The following CPM variants were observed in gnomAD, a reference collection of about 807,000 sequenced individuals.
CPM encodes renal carboxypeptidase.
In CPM, 35 loss-of-function variants were observed where a neutral mutation model predicts 46.4. The observed-to-expected ratio is 0.75, with a 90% CI of 0.58 to 1.00. CPM has a LOEUF of 1.00. CPM is among the 50% of genes least tolerant of loss of function. CPM has a pLI of 0.00. For synonymous variants in CPM, 195 were observed against 195.3 expected, an observed-to-expected ratio of 1.00 and a Z score of 0.01; for missense variants, 422 against 530.4, an observed-to-expected ratio of 0.80 and a Z score of 2.01.
chr12:68,872,738 A>AC (rs1288237764), intron 3 of CPM, among the ~76,000 whole-genome samples: 5 of 146,620 alleles, frequency 3.4e-5, no homozygotes, highest in Admixed American at 6.8e-5. Flanking sequence ...CACATTGTAG[A>AC]TTTTTTTTTT....
At chr12:68,879,400 G>C (rs1886092782) in intron 3 of CPM, among the ~76,000 whole-genome samples, 1 of 152,038 alleles carries the variant, frequency 6.6e-6, no homozygotes, top group Admixed American at 6.5e-5. Context: ...GTCTTGCTTT[G>C]TCACCCAGGC....
At chr12:68,930,098 G>T (rs1888437895) in intron 2 of CPM, among the ~76,000 whole-genome samples, 1 of 151,860 alleles carries the variant, frequency 6.6e-6, no homozygotes, top group African/African-American at 2.4e-5. Context: ...CTTTTATTTT[G>T]AGATAGAGTT....
chr12:68,946,402 TC>T (rs981109133), intron 1 of CPM, among the ~76,000 whole-genome samples: 3 of 152,220 alleles, frequency 2.0e-5, no homozygotes, highest in Non-Finnish European at 2.9e-5. Context: ...ATAAGGAATC[TC>T]AGATTAGACC....
rs1262038665 is a variant in CPM at position 68,928,620 on chromosome 12, TA to T, written c.160+4057del. 3.3e-5 allele frequency among the ~76,000 whole-genome samples: 5 copies of T among 152,230 alleles called. No individual in the cohort carries two copies. The East Asian group carries it at 9.6e-4, about 29-fold the overall frequency. On this transcript the variant is annotated intron_variant, in intron 2 of 8. Coordinates refer to ENST00000551568, the MANE Select transcript of CPM (RefSeq NM_198320.5). ...GAAAGTACTTGATAACAGAGACTACTAAATTTGGCTGGCTTTAAAAAATCTC... is the reference window on the plus strand; with the variant it reads ...GAAAGTACTTGATAACAGAGACTACTAATTTGGCTGGCTTTAAAAAATCTC...
At chr12:68,895,689 T>C (rs1000636684) in intron 2 of CPM, among the ~76,000 whole-genome samples, 1 of 152,000 alleles carries the variant, frequency 6.6e-6, no homozygotes, top group Admixed American at 6.6e-5. Context: ...TCTTAGAAAA[T>C]GTGTTTTAGG....
Position 68,890,390 on chromosome 12 carries a change from T to C in CPM, c.161-4501A>G, listed in dbSNP as rs531357025. ...ATTTAAAAAAAAAAAAACCAAACCC[T>C]ATCATTCATTAAGTGCAGATACTAT... is the stretch of plus-strand genomic sequence containing the variant. On this transcript the variant is annotated intron_variant, in intron 2 of 8. Coordinates refer to ENST00000551568, the MANE Select transcript of CPM (RefSeq NM_198320.5). Among the ~76,000 whole-genome samples the C allele has an allele frequency of 2.6e-5, 4 of 152,058 alleles. No individual in the cohort carries two copies. In the South Asian group the frequency reaches 8.3e-4, roughly 32 times the overall value.
In CPM at chr12:68,855,737, G is replaced by GTTTTTTTT. The variant is rs1317822928; in HGVS notation, c.*699_*700insAAAAAAAA. 7.0e-6 allele frequency: 1 copy of GTTTTTTTT among 142,054 alleles called. No homozygotes were observed. The highest frequency in any genetic ancestry group is 2.9e-5 in the African/African-American group (1 of 33,932). 8.8% of individuals were successfully genotyped at this position (142,054 alleles called of 1,614,324 possible). A position where few individuals can be genotyped will look rare whatever the true frequency, so the allele number is the denominator to read the frequency against. ...GGTGAGGTGTTTTTTTTGTTTGTTTGTTTTTGTTTTTTTTTTTTTGAGACA... is the reference window on the plus strand; with the variant it reads ...GGTGAGGTGTTTTTTTTGTTTGTTTGTTTTTTTTTTTTTGTTTTTTTTTTTTTGAGACA... On this transcript the variant is annotated 3_prime_UTR_variant, in exon 9 of 9. Coordinates refer to ENST00000551568, the MANE Select transcript of CPM (RefSeq NM_198320.5).
chr12:68,918,601 C>T (rs933248722), intron 2 of CPM, among the ~76,000 whole-genome samples: 1 of 151,916 alleles, frequency 6.6e-6, no homozygotes, highest in African/African-American at 2.4e-5. Flanking sequence ...CTCCTCCAAT[C>T]CAATCCAATC....
At chr12:68,876,882 GC>G in intron 3 of CPM, among the ~76,000 whole-genome samples, 1 of 141,168 alleles carries the variant, frequency 7.1e-6, no homozygotes, top group South Asian at 2.4e-4. Flanking sequence ...GTGTGTGTGT[GC>G]ACGCGCATGC....
intron 7 of CPM, among the ~76,000 whole-genome samples, chr12:68,864,089 T>A (rs925749995): frequency 6.6e-6 from 1 of 152,220 alleles, no homozygotes; most frequent in African/African-American, 2.4e-5. Flanking sequence ...ATATATGTAT[T>A]TTTTGAGTGA....
intron 2 of CPM, among the ~76,000 whole-genome samples, chr12:68,931,840 C>G (rs1023465510): frequency 1.3e-5 from 2 of 151,594 alleles, no homozygotes; most frequent in African/African-American, 4.9e-5. Context: ...CGGATGGGTG[C>G]CAGTCCTGGC....
intron 2 of CPM, among the ~76,000 whole-genome samples, chr12:68,900,354 A>G (rs924694818): frequency 2.4e-4 from 37 of 152,232 alleles, no homozygotes; most frequent in African/African-American, 8.4e-4. Flanking sequence ...CATTCCTATT[A>G]GAATGGCAAA....
chr12:68,918,053 T>A (rs1242268899), intron 2 of CPM, among the ~76,000 whole-genome samples: 1 of 152,188 alleles, frequency 6.6e-6, no homozygotes, highest in Non-Finnish European at 1.5e-5. Context: ...GATTCTATAT[T>A]GAGTCGTGAG....
In CPM at chr12:68,852,068, T is replaced by C. The variant is rs1026534941; in HGVS notation, c.*4369A>G. 4 of 152,238 alleles carry C rather than the reference T, an allele frequency of 2.6e-5. No individual in the cohort carries two copies. The highest frequency in any genetic ancestry group is 5.9e-5 in the Non-Finnish European group (4 of 68,044). 9.4% of individuals were successfully genotyped at this position (152,238 alleles called of 1,614,324 possible). On this transcript the variant is annotated 3_prime_UTR_variant, in exon 9 of 9. Coordinates refer to ENST00000551568, the MANE Select transcript of CPM (RefSeq NM_198320.5). Reference sequence around the variant, plus strand: ...GATATTTTTACTTTCTAAACAGAGCTAACTTGTACCATTTTTAGAAACAGA... The same window carrying C: ...GATATTTTTACTTTCTAAACAGAGCCAACTTGTACCATTTTTAGAAACAGA...
chr12:68,871,893 G>T lies in CPM; in HGVS notation c.322C>A (p.Pro108Thr). Residue 108 changes from proline to threonine, a missense_variant, in exon 4 of 9, where the codon CCT (proline) becomes ACT (threonine). Pro to Thr is a conservative substitution (Grantham distance 38). Transcript: ENST00000551568. Reference protein sequence around the residue: ...DYLVTSDGKDPEITNLINSTR... With the variant: ...DYLVTSDGKDTEITNLINSTR... ...CTATTGATCAGATTTGTGATTTCAG[G>T]GTCTTTGCCATCACTGGTTACGAGA... 2 of 1,614,050 alleles carry T rather than the reference G, an allele frequency of 1.2e-6. No homozygotes were observed. Among genetic ancestry groups the T allele is most frequent in the Non-Finnish European group, 1.7e-6 (2 of 1,180,012 alleles).
rs1889132632 is a variant in CPM at position 68,962,198 on chromosome 12, T to TC, written c.-4+970dup. Among the ~76,000 whole-genome samples the TC allele has an allele frequency of 1.1e-4, 3 of 26,860 alleles. No individual in the cohort carries two copies. The Admixed American group carries it at 1.4e-3, about 12-fold the overall frequency. 17.6% of individuals were successfully genotyped at this position (26,860 alleles called of 152,430 possible). A position where few individuals can be genotyped will look rare whatever the true frequency, so the allele number is the denominator to read the frequency against. ...CTGGGCGACAGAGCGAGACTCCATC[T>TC]CAAAAAAAAAAAAAAAAAAACCAAG... On this transcript the variant is annotated intron_variant, in intron 1 of 8. Transcript: ENST00000546373.
At position 68,905,997 on chromosome 12, in the gene CPM, A is replaced by G. The variant is rs186002782; in HGVS notation, c.161-20108T>C. Among the ~76,000 whole-genome samples, 6 of 152,266 alleles carry G rather than the reference A, an allele frequency of 3.9e-5. No homozygotes were observed. The South Asian group carries it at 1.2e-3, about 32-fold the overall frequency. On this transcript the variant is annotated intron_variant, in intron 2 of 8. Transcript: ENST00000551568. Reference sequence around the variant, plus strand: ...GGCATTGTTTCTTGGCCTTGCTGCAAGAACACCTTGGCATGCAGGACTCAA... The same window carrying G: ...GGCATTGTTTCTTGGCCTTGCTGCAGGAACACCTTGGCATGCAGGACTCAA...
At chr12:68,943,734 GGATTGTGT>G (rs1367919194) in intron 1 of CPM, among the ~76,000 whole-genome samples, 1 of 152,104 alleles carries the variant, frequency 6.6e-6, no homozygotes, top group African/African-American at 2.4e-5. Context: ...CATTTAATCT[GGATTGTGT>G]GATATCAAAC....
At chr12:68,899,036 G>A (rs1034019099) in intron 2 of CPM, among the ~76,000 whole-genome samples, 2 of 152,174 alleles carry the variant, frequency 1.3e-5, no homozygotes, top group Non-Finnish European at 2.9e-5. Context: ...AATATAAACA[G>A]TGTACATAAC....
Sources: allele counts gnomAD v4.1 joint callset (sites outside exome capture counted in the v4.1 genomes callset), GRCh38; gene constraint gnomAD v4.1.1; transcripts MANE v1.5; gene names NCBI Gene and HGNC (gene_info 2026-07-23, HGNC 2026-07-21).